IRF6: variants seen among roughly 807,000 people sequenced by gnomAD.
IRF6 encodes the protein interferon regulatory factor 6.
A neutral mutation model predicts 51.4 loss-of-function variants in IRF6; 6 were observed. The ratio of observed to expected loss-of-function variants is 0.12; its 90% CI spans 0.06 to 0.23. The LOEUF (loss-of-function observed/expected upper bound fraction) is 0.23, where lower values mean the gene tolerates loss of function less well. IRF6 is among the 10% of genes least tolerant of loss of function. The pLI, the probability that IRF6 is intolerant of heterozygous loss-of-function variation, is 1.00. For missense variants in IRF6, 348 were observed against 585.2 expected (o/e 0.59, Z 4.18); for synonymous variants, 178 against 215.7 (o/e 0.83, Z 1.53).
At position 209,785,807 on chromosome 1, in the gene IRF6, G is replaced by T. The variant is rs1185116713; in HGVS notation, c.*2613C>A. On this transcript the variant is annotated 3_prime_UTR_variant, in exon 9 of 9. Coordinates refer to ENST00000367021, the MANE Select transcript of IRF6 (RefSeq NM_006147.4). ...AACAGTCCCTACCTTCAGCAAGTTTGCAGTCAAGCAGGATGCGGATGCTGA... is the reference window on the plus strand; with the variant it reads ...AACAGTCCCTACCTTCAGCAAGTTTTCAGTCAAGCAGGATGCGGATGCTGA... The T allele has an allele frequency of 1.3e-5, 2 of 152,158 alleles. No homozygotes were observed. The highest frequency in any genetic ancestry group is 2.9e-5 in the Non-Finnish European group (2 of 68,060). 9.4% of individuals were successfully genotyped at this position (152,158 alleles called of 1,614,324 possible). A position where few individuals can be genotyped will look rare whatever the true frequency, so the allele number is the denominator to read the frequency against.
At chr1:209,798,360 G>T (rs1284758782) in intron 3 of IRF6, among the ~76,000 whole-genome samples, 1 of 152,180 alleles carries the variant, frequency 6.6e-6, no homozygotes, top group African/African-American at 2.4e-5. Flanking sequence ...CCTTCCATTT[G>T]TTTGATCCTC....
In IRF6 at chr1:209,788,533, T is replaced by C. The variant is rs1413709711; in HGVS notation, c.1291A>G (p.Asn431Asp). 3.1e-6 allele frequency: 5 copies of C among 1,614,014 alleles called. No homozygotes were observed. The African/African-American group carries it at 5.3e-5, about 17-fold the overall frequency. The change falls in exon 9 of 9, where the codon AAC becomes GAC. Residue 431 changes from asparagine (N) to aspartate (D), a missense_variant. This residue lies in a region of IRF6 where 48 missense variants were observed against 66.9 expected (regional missense o/e 0.72). Transcript: ENST00000367021. ...AGCTGCTTCAGCTGAGCAACGATGT[T>C]ATCCTTGATGTCTGGGGTTGAGATC... ...LQISTPDIKD[N>D]IVAQLKQLYR...
intron 6 of IRF6, among the ~76,000 whole-genome samples, chr1:209,791,588 GC>G (rs1247725173): frequency 6.6e-6 from 1 of 152,064 alleles, no homozygotes; most frequent in Non-Finnish European, 1.5e-5. Context: ...AGGTCCTAAA[GC>G]CTCTCAAAAT....
At chr1:209,789,316 C>T (rs1348218105) in intron 8 of IRF6, among the ~76,000 whole-genome samples, 1 of 147,554 alleles carries the variant, frequency 6.8e-6, no homozygotes, top group African/African-American at 2.5e-5. Context: ...ACAGCAAGAC[C>T]ATGTCTCCAA....
intron 3 of IRF6, among the ~76,000 whole-genome samples, chr1:209,800,345 T>G (rs2077932911): frequency 6.6e-6 from 1 of 152,250 alleles, no homozygotes; most frequent in Non-Finnish European, 1.5e-5. Flanking sequence ...TTAAATAAAA[T>G]GACTGTCATA....
At chr1:209,805,650 A>G (rs2077969520) in intron 1 of IRF6, among the ~76,000 whole-genome samples, 1 of 152,162 alleles carries the variant, frequency 6.6e-6, no homozygotes, top group Non-Finnish European at 1.5e-5. Flanking sequence ...CTTTAGCTCT[A>G]CCGGATAGTG....
At position 209,796,263 on chromosome 1, in the gene IRF6, G is replaced by A; in HGVS notation, c.379+85C>T. The A allele has an allele frequency of 1.8e-6, 2 of 1,118,458 alleles. No homozygotes were observed. The highest frequency in any genetic ancestry group is 2.4e-5 in the East Asian group (1 of 41,690). 69.3% of individuals were successfully genotyped at this position (1,118,458 alleles called of 1,614,324 possible). On this transcript the variant is annotated intron_variant, in intron 4 of 8. Coordinates refer to ENST00000367021, the MANE Select transcript of IRF6 (RefSeq NM_006147.4). This position sits in a 1 kb window ranked among gnomAD's most constrained non-coding sequence, Gnocchi z 4.5. ...ATCCATCTTAAACTGTGTAAATCAG[G>A]CTGTTTTCAAGTTGACTATCTCTTA...
intron 3 of IRF6, 152 bp downstream of exon 3, chr1:209,801,088 A>G: frequency 1.5e-6 from 1 of 687,388 alleles, no homozygotes; most frequent in Non-Finnish European, 2.5e-6. Context: ...CATGCCCCCA[A>G]AAGAGGAATT....
Position 209,803,467 on chromosome 1 carries a change from C to G in IRF6, c.-75-1424G>C, listed in dbSNP as rs577347439. ...AAGGCAATCAGGCCAAGACCAGGAG[C>G]TGCACCTGATGATGGGAAAGGAGAA... is the stretch of plus-strand genomic sequence containing the variant. On this transcript the variant is annotated intron_variant, in intron 1 of 8. Transcript: ENST00000367021. Among the ~76,000 whole-genome samples, 8 of 152,298 alleles carry G rather than the reference C, an allele frequency of 5.3e-5. No individual in the cohort carries two copies. In the South Asian group the frequency reaches 1.7e-3, roughly 32 times the overall value.
At chr1:209,804,829 G>C (rs2077964032) in intron 1 of IRF6, among the ~76,000 whole-genome samples, 1 of 152,152 alleles carries the variant, frequency 6.6e-6, no homozygotes, top group Non-Finnish European at 1.5e-5. Flanking sequence ...CAAAAGCCGA[G>C]ATTTGGCCGT....
At chr1:209,798,101 C>T (rs184867602) in intron 3 of IRF6, among the ~76,000 whole-genome samples, 1 of 152,336 alleles carries the variant, frequency 6.6e-6, no homozygotes, top group Admixed American at 6.5e-5. Flanking sequence ...AAATCCTCCT[C>T]CTCCAATTCA....
At chr1:209,804,706 G>A (rs944106204) in intron 1 of IRF6, among the ~76,000 whole-genome samples, 6 of 152,116 alleles carry the variant, frequency 3.9e-5, no homozygotes, top group Non-Finnish European at 8.8e-5. Flanking sequence ...AGCCTCCTCC[G>A]AGCATAACTG....
chr1:209,791,043 A>G, intron 6 of IRF6, 156 bp from the exon 7 acceptor site: 1 of 985,410 alleles, frequency 1.0e-6, no homozygotes, highest in Non-Finnish European at 1.2e-6. Flanking sequence ...GGGAGACATC[A>G]ACATATCCCT....
At chr1:209,804,451 T>C (rs1156714626) in intron 1 of IRF6, among the ~76,000 whole-genome samples, 1 of 152,076 alleles carries the variant, frequency 6.6e-6, no homozygotes, top group African/African-American at 2.4e-5. Context: ...GTGATTGAGG[T>C]GGAGACTGCA....
chr1:209,796,628 G>GATACAA lies in IRF6; in HGVS notation c.175-77_175-76insTTGTAT, dbSNP rs2077903050. 1 of 747,312 alleles carries GATACAA rather than the reference G, an allele frequency of 1.3e-6. No homozygotes were observed. Among genetic ancestry groups the GATACAA allele is most frequent in the African/African-American group, 3.1e-5 (1 of 32,456 alleles). 46.3% of individuals were successfully genotyped at this position (747,312 alleles called of 1,614,324 possible). On this transcript the variant is annotated intron_variant, in intron 3 of 8. Coordinates refer to ENST00000367021, the MANE Select transcript of IRF6 (RefSeq NM_006147.4). The surrounding 1 kb of genome is among the most constrained non-coding windows in gnomAD (Gnocchi z 4.5). Reference sequence around the variant, plus strand: ...AAGCATGTGCTTACCCTTTCTCATAGACACAAACACACACACACACACACA... The same window carrying GATACAA: ...AAGCATGTGCTTACCCTTTCTCATAGATACAAACACAAACACACACACACACACACA...
At chr1:209,789,638 G>C (rs762918886) in intron 8 of IRF6, 29 bp downstream of exon 8, 7 of 1,509,452 alleles carry the variant, frequency 4.6e-6, no homozygotes, top group Admixed American at 3.3e-5. Context: ...AAAAGATGAA[G>C]AGTTGTTGAC....
intron 5 of IRF6, among the ~76,000 whole-genome samples, chr1:209,794,281 G>A (rs1003419297): frequency 1.3e-5 from 2 of 152,158 alleles, no homozygotes; most frequent in African/African-American, 4.8e-5. Context: ...GTGTGAGATG[G>A]TATTTCATTG....
chr1:209,795,560 A>C, intron 4 of IRF6, 142 bp from the exon 5 acceptor site: 2 of 1,289,168 alleles, frequency 1.6e-6, no homozygotes, highest in African/African-American at 2.9e-5. Flanking sequence ...AGCTAAAAAG[A>C]GTGAGAATCA....
At chr1:209,798,641 T>C (rs916430781) in intron 3 of IRF6, among the ~76,000 whole-genome samples, 18 of 152,218 alleles carry the variant, frequency 1.2e-4, no homozygotes, top group South Asian at 4.1e-4. Flanking sequence ...CCAGGCGCGG[T>C]GGCTCATGCC....
Sources: gnomAD v4.1 joint callset for allele counts (sites outside exome capture counted in the v4.1 genomes callset) on GRCh38, gnomAD v4.1.1 for gene constraint, gnomAD v4.1.1 regional missense constraint, Gnocchi (gnomAD v3.1) non-coding constraint, MANE v1.5 for transcripts, NCBI Gene and HGNC (gene_info 2026-07-23, HGNC 2026-07-21) for gene names.